LAMB3: variants seen among roughly 807,000 people sequenced by gnomAD.
LAMB3 encodes laminin subunit beta 3.
A neutral mutation model predicts 140.3 loss-of-function variants in LAMB3; 104 were observed. That is an observed-to-expected ratio of 0.74 (90% CI 0.63 to 0.87). The LOEUF (loss-of-function observed/expected upper bound fraction) is 0.87. LAMB3 is among the 40% of genes least tolerant of loss of function. LAMB3 has a pLI of 0.00. For synonymous variants in LAMB3, 592 were observed against 602.9 expected (o/e 0.98, Z 0.26); for missense variants, 1,531 against 1,575.2 (o/e 0.97, Z 0.47).
At chr1:209,647,208 G>A (rs1464473777) in intron 3 of LAMB3, among the ~76,000 whole-genome samples, 1 of 152,252 alleles carries the variant, frequency 6.6e-6, no homozygotes, top group East Asian at 1.9e-4. Context: ...AAGCCCTTGA[G>A]ACCAGTGGGA....
chr1:209,623,599 T>C lies in LAMB3; in HGVS notation c.2264A>G (p.Gln755Arg). ...SRREAERLVRQAGGGGGTGSP... is the reference protein window; with the variant it reads ...SRREAERLVRRAGGGGGTGSP... ...GCCGGTGCCTCCTCCTCCTCCCGCCTGCCGCACCAGCCTCTCTGCCTCTCT... is the reference window on the plus strand; with the variant it reads ...GCCGGTGCCTCCTCCTCCTCCCGCCCGCCGCACCAGCCTCTCTGCCTCTCT... Residue 755 changes from glutamine (Q) to arginine (R), a missense_variant, in exon 16 of 23, where the codon CAG becomes CGG. Transcript: ENST00000356082. This position sits in a 1 kb window ranked among gnomAD's most constrained non-coding sequence, Gnocchi z 4.2. The C allele has an allele frequency of 6.2e-7, 1 of 1,613,958 alleles. No homozygotes were observed. Among genetic ancestry groups the C allele is most frequent in the Non-Finnish European group, 8.5e-7 (1 of 1,179,998 alleles).
chr1:209,632,781 G>T lies in LAMB3; in HGVS notation c.629-5C>A. The T allele has an allele frequency of 6.2e-7, 1 of 1,614,012 alleles. No individual in the cohort carries two copies. Among genetic ancestry groups the T allele is most frequent in the African/African-American group, 1.3e-5 (1 of 75,050 alleles). The stretch of plus-strand genomic sequence containing the variant: ...AGTTTGTGATCTCCCCCACCTCTGA[G>T]AGGGCCAAACAGCAAGGAGGGAAGA... On this transcript the variant is annotated splice_polypyrimidine_tract_variant and splice_region_variant and intron_variant, in intron 7 of 22. Coordinates refer to ENST00000356082, the MANE Select transcript of LAMB3 (RefSeq NM_000228.3).
chr1:209,619,724 T>C (rs1253175499), intron 18 of LAMB3, among the ~76,000 whole-genome samples: 4 of 152,182 alleles, frequency 2.6e-5, no homozygotes, highest in Non-Finnish European at 4.4e-5. Context: ...CACCAGATGA[T>C]TTGCCCTGGA....
intron 3 of LAMB3, among the ~76,000 whole-genome samples, chr1:209,643,579 G>A (rs1001145922): frequency 1.3e-5 from 2 of 152,204 alleles, no homozygotes; most frequent in African/African-American, 4.8e-5. Context: ...GAGCAAGAGG[G>A]CAAGAGCCAG....
intron 3 of LAMB3, among the ~76,000 whole-genome samples, chr1:209,646,029 G>T (rs1296197745): frequency 6.6e-6 from 1 of 152,206 alleles, no homozygotes; most frequent in Non-Finnish European, 1.5e-5. Context: ...CAGCTGTTTG[G>T]CTTAGATAAT....
At chr1:209,637,104 C>T (rs1666919511) in intron 5 of LAMB3, among the ~76,000 whole-genome samples, 1 of 152,160 alleles carries the variant, frequency 6.6e-6, no homozygotes, top group South Asian at 2.1e-4. Flanking sequence ...TCAAAGTTGC[C>T]ACCTTTAGAG....
At chr1:209,632,955 T>A (rs1666748602) in intron 7 of LAMB3, 115 bp downstream of exon 7, 2 of 1,074,196 alleles carry the variant, frequency 1.9e-6, no homozygotes, top group Non-Finnish European at 2.9e-6. Flanking sequence ...AAGTATCAAA[T>A]CCCCAACCAC....
intron 10 of LAMB3, 71 bp downstream of exon 10, chr1:209,629,666 C>T (rs1571816650): frequency 2.0e-6 from 3 of 1,464,794 alleles, no homozygotes; most frequent in Non-Finnish European, 2.9e-6. Context: ...GGAACATGTA[C>T]TCTATTGTAC....
At position 209,622,587 on chromosome 1, in the gene LAMB3, C is replaced by T. The variant is rs747650205; in HGVS notation, c.2650G>A (p.Asp884Asn). The change falls in exon 18 of 23, where the codon GAT (aspartate) becomes AAT (asparagine). Residue 884 changes from aspartate to asparagine, a missense_variant. Asp to Asn is a conservative substitution (Grantham distance 23). Coordinates refer to ENST00000356082, the MANE Select transcript of LAMB3 (RefSeq NM_000228.3). ...ATTAGGAGCCGTGTGCGTCTGACAT[C>T]TTCCTCCATCTGGGAGCGGCTGGCG... ...VSASRSQMEE[D>N]VRRTRLLIQQ... 4.3e-6 allele frequency: 7 copies of T among 1,614,124 alleles called. No homozygotes were observed. Among genetic ancestry groups the T allele is most frequent in the Non-Finnish European group, 8.5e-7 (1 of 1,180,018 alleles).
chr1:209,616,555 C>T lies in LAMB3; in HGVS notation c.3298G>A (p.Glu1100Lys), dbSNP rs752247056. Residue 1100 changes from glutamate to lysine, a missense_variant, in exon 22 of 23, where the codon GAG (glutamate) becomes AAG (lysine). Physicochemically the swap from Glu to Lys is moderately conservative, Grantham distance 56 (BLOSUM62 1). Transcript: ENST00000356082. The stretch of plus-strand genomic sequence containing the variant: ...ACACTCTGGATCCGGGCACCCTGCT[C>T]ACCCAGCATGGAACTCTGACCCAAC... ...DRLGQSSMLG[E>K]QGARIQSVKT... The T allele has an allele frequency of 9.9e-6, 16 of 1,614,154 alleles. No individual in the cohort carries two copies. The East Asian group carries it at 2.2e-4, about 22-fold the overall frequency.
chr1:209,625,687 T>C lies in LAMB3; in HGVS notation c.1937A>G (p.Gln646Arg). 5.0e-6 allele frequency: 8 copies of C among 1,614,156 alleles called. No homozygotes were observed. The highest frequency in any genetic ancestry group is 6.8e-6 in the Non-Finnish European group (8 of 1,180,026). ...GGCACTGGCCACCTGAGCCACCTCC[T>C]GCTCTGTGACTGCGGGGCTGCTGAG... Reference protein sequence around the residue: ...AVLSSPAVTEQEVAQVASAIL... With the variant: ...AVLSSPAVTEREVAQVASAIL... Residue 646 changes from glutamine to arginine, a missense_variant, in exon 14 of 23, where the codon CAG (glutamine) becomes CGG (arginine). Gln to Arg is a conservative substitution (Grantham distance 43). Coordinates refer to ENST00000356082, the MANE Select transcript of LAMB3 (RefSeq NM_000228.3).
At position 209,615,161 on chromosome 1, in the gene LAMB3, T is replaced by C. The variant is rs534647010; in HGVS notation, c.*110A>G. 1 of 1,455,060 alleles carries C rather than the reference T, an allele frequency of 6.9e-7. No homozygotes were observed. Among genetic ancestry groups the C allele is most frequent in the Non-Finnish European group, 9.5e-7 (1 of 1,049,806 alleles). 90.1% of individuals were successfully genotyped at this position (1,455,060 alleles called of 1,614,324 possible). On this transcript the variant is annotated 3_prime_UTR_variant, in exon 23 of 23. Transcript: ENST00000356082. Reference sequence around the variant, plus strand: ...ACACCAGGGGTGGTCCAGGCTGTACTTTAGGCTGCATGAAAGTCTCCTGGA... The same window carrying C: ...ACACCAGGGGTGGTCCAGGCTGTACCTTAGGCTGCATGAAAGTCTCCTGGA...
chr1:209,650,557 C>A (rs923225898), intron 2 of LAMB3, among the ~76,000 whole-genome samples: 1 of 152,238 alleles, frequency 6.6e-6, no homozygotes, highest in East Asian at 1.9e-4. Flanking sequence ...GCTGCCCCAG[C>A]CATACTTTGT....
rs371841760 is a variant in LAMB3 at position 209,638,686 on chromosome 1, G to T, written c.184-38C>A. The T allele has an allele frequency of 2.1e-4, 293 of 1,394,346 alleles. 1 individual carries two copies. In the South Asian group the frequency reaches 2.7e-3, roughly 13 times the overall value. The allele number at this position is 1,394,346 out of a possible 1,614,324, so 86.4% of individuals were successfully genotyped here. ...GAGATAGCAGACACTCAGAGGTGGG[G>T]TCCTGATAGAATTCCCCCTTGCGTC... On this transcript the variant is annotated intron_variant, in intron 3 of 22. Transcript: ENST00000356082.
Position 209,632,753 on chromosome 1 carries a change from T to G in LAMB3, c.652A>C (p.Arg218=), listed in dbSNP as rs1339511025. The part of the protein sequence containing the change: ...IQEVGEITNL[R]VNFTRLAPVP... ...GGGGCCAGCCTGGTGAAATTGACTC[T>G]CAAGTTTGTGATCTCCCCCACCTCT... The change falls in exon 8 of 23, where the codon AGA becomes CGA. Residue 218 remains arginine (R), a synonymous_variant. Coordinates refer to ENST00000356082, the MANE Select transcript of LAMB3 (RefSeq NM_000228.3). The G allele has an allele frequency of 6.2e-7, 1 of 1,614,042 alleles. No individual in the cohort carries two copies. Among genetic ancestry groups the G allele is most frequent in the African/African-American group, 1.3e-5 (1 of 74,920 alleles).
rs1158473071 is a variant in LAMB3, at chr1:209,627,365, A to G, written c.1485+18T>C. 3.7e-6 allele frequency: 6 copies of G among 1,603,636 alleles called. No individual in the cohort carries two copies. The highest frequency in any genetic ancestry group is 4.3e-6 in the Non-Finnish European group (5 of 1,172,248). ...CCCCTCCCACTGAGGGGGCCCCCGG[A>G]CCACCCTCACTTCGTACCTGGTTGC... On this transcript the variant is annotated intron_variant, in intron 12 of 22. Coordinates refer to ENST00000356082, the MANE Select transcript of LAMB3 (RefSeq NM_000228.3).
intron 10 of LAMB3, among the ~76,000 whole-genome samples, chr1:209,628,758 T>A (rs1666569889): frequency 6.6e-6 from 1 of 151,830 alleles, no homozygotes; most frequent in Admixed American, 6.6e-5. Flanking sequence ...GGGAGCATAT[T>A]TGGCACATGC....
chr1:209,624,921 AGGAAGGAAGGAAGGAAAAAAAG>A (rs1558152709), intron 14 of LAMB3, among the ~76,000 whole-genome samples: 3 of 150,120 alleles, frequency 2.0e-5, no homozygotes, highest in African/African-American at 7.4e-5. Flanking sequence ...GAAGGAAGGA[AGGAAGGAAGGAAGGAAAAAAAG>A]GGAAGGAAGG....
intron 3 of LAMB3, among the ~76,000 whole-genome samples, chr1:209,641,596 C>A (rs929215971): frequency 6.6e-6 from 1 of 152,158 alleles, no homozygotes; most frequent in Non-Finnish European, 1.5e-5. Flanking sequence ...TCTCACACAG[C>A]GAGCCCCAAG....
Sources: gnomAD v4.1 joint callset for allele counts (sites outside exome capture counted in the v4.1 genomes callset) on GRCh38, gnomAD v4.1.1 for gene constraint, Gnocchi (gnomAD v3.1) non-coding constraint, MANE v1.5 for transcripts, NCBI Gene and HGNC (gene_info 2026-07-23, HGNC 2026-07-21) for gene names.